LSS: variants seen among roughly 807,000 people sequenced by gnomAD.
The protein encoded by LSS is 2,3-epoxysqualene-lanosterol cyclase.
A neutral mutation model predicts 110.3 loss-of-function variants in LSS; 90 were observed. The ratio of observed to expected loss-of-function variants is 0.82; its 90% CI spans 0.69 to 0.97. The LOEUF is 0.97. Among genes scored for constraint, LSS ranks in the 50% least tolerant of loss-of-function variants. The probability of loss-of-function intolerance (pLI) is 0.00; values close to 1 mark genes in which losing one functional copy is unlikely to be tolerated. For synonymous variants in LSS, 433 were observed against 400.0 expected (o/e 1.08, Z -0.98); for missense variants, 927 against 990.0 (o/e 0.94, Z 0.85).
intron 17 of LSS, among the ~76,000 whole-genome samples, chr21:46,202,015 C>T (rs1329101126): frequency 4.0e-5 from 6 of 149,888 alleles, no homozygotes; most frequent in African/African-American, 1.2e-4. Context: ...AGGATGGTCT[C>T]GATCTCCTGA....
chr21:46,228,710 A>G (rs781751886), intron 1 of LSS, 22 bp downstream of exon 1: 48 of 1,602,428 alleles, frequency 3.0e-5, no homozygotes, highest in Non-Finnish European at 3.8e-5. Flanking sequence ...ATTCGTCAGG[A>G]GCCCGGGGCG....
intron 17 of LSS, among the ~76,000 whole-genome samples, chr21:46,196,753 A>T (rs2079914605): frequency 6.6e-6 from 1 of 152,256 alleles, no homozygotes; most frequent in South Asian, 2.1e-4. Context: ...ACTTGTCTTT[A>T]ACCAGCAGAT....
chr21:46,198,412 T>C (rs1271022816), intron 17 of LSS, among the ~76,000 whole-genome samples: 2 of 152,170 alleles, frequency 1.3e-5, no homozygotes, highest in African/African-American at 4.8e-5. Context: ...GATCTATATA[T>C]GATGAAAACT....
At chr21:46,211,877 C>T (rs1754554867) in intron 11 of LSS, among the ~76,000 whole-genome samples, 1 of 152,222 alleles carries the variant, frequency 6.6e-6, no homozygotes, top group Non-Finnish European at 1.5e-5. Flanking sequence ...CAACTGAAGG[C>T]CTGTGCAGGC....
In LSS at chr21:46,215,772, C is replaced by T. The variant is rs143692945; in HGVS notation, c.805G>A (p.Ala269Thr). 1,180 of 1,611,864 alleles carry T rather than the reference C, an allele frequency of 7.3e-4. 8 individuals are homozygous for T. The African/African-American group carries it at 0.014, about 19-fold the overall frequency. Residue 269 changes from alanine to threonine, a missense_variant, in exon 8 of 22, where the codon GCC (alanine) becomes ACC (threonine). Coordinates refer to ENST00000397728, the MANE Select transcript of LSS (RefSeq NM_002340.6). The part of the protein sequence containing the change: ...LRQELYVEDF[A>T]SIDWLAQRNN... ...CTCTGCGCCAGCCAGTCAATGCTGG[C>T]GAAGTCCTCCACATAGAGCTCCTGG...
chr21:46,223,528 G>A (rs12151996), intron 3 of LSS, among the ~76,000 whole-genome samples: 48,993 of 152,148 alleles, frequency 0.32, 8,552 homozygotes, highest in Non-Finnish European at 0.4. Context: ...CCACCCAGGC[G>A]CCAAGGCAAG....
intron 17 of LSS, among the ~76,000 whole-genome samples, chr21:46,200,527 T>C (rs569160725): frequency 1.3e-5 from 2 of 151,354 alleles, no homozygotes; most frequent in Non-Finnish European, 2.9e-5. Context: ...CTGACAAAAA[T>C]GTAGTTTCAT....
At chr21:46,213,103 C>T in intron 10 of LSS, 51 bp from the exon 11 acceptor site, 3 of 1,578,802 alleles carry the variant, frequency 1.9e-6, no homozygotes, top group Non-Finnish European at 2.6e-6. Flanking sequence ...GCTGGAAGCC[C>T]AGCTGCTACC....
At chr21:46,213,001 C>T (rs1384334396) in intron 11 of LSS, 24 bp downstream of exon 11, 1 of 1,613,824 alleles carries the variant, frequency 6.2e-7, no homozygotes, top group Admixed American at 1.7e-5. Flanking sequence ...AGGAAGCATG[C>T]AGCCGCAGTC....
intron 11 of LSS, among the ~76,000 whole-genome samples, chr21:46,211,815 G>A (rs968904380): frequency 2.0e-5 from 3 of 152,234 alleles, no homozygotes; most frequent in Non-Finnish European, 2.9e-5. Flanking sequence ...CCTTCCAGGA[G>A]GAGAAAAGAG....
rs2051304002 is a variant in LSS at position 46,216,875 on chromosome 21, C to T, written c.648-351G>A. ...GATATGGTGTGAGGGCCCCAGGGAA[C>T]ACTCTTGGCTATCTTTGCAACTTTT... On this transcript the variant is annotated intron_variant, in intron 6 of 21. Coordinates refer to ENST00000397728, the MANE Select transcript of LSS (RefSeq NM_002340.6). This position sits in a 1 kb window ranked among gnomAD's most constrained non-coding sequence, Gnocchi z 4.2. Among the ~76,000 whole-genome samples, 1 of 152,138 alleles carries T rather than the reference C, an allele frequency of 6.6e-6. No individual in the cohort carries two copies. Among genetic ancestry groups the T allele is most frequent in the Admixed American group, 6.6e-5 (1 of 15,266 alleles).
At position 46,215,700 on chromosome 21, in the gene LSS, G is replaced by A; in HGVS notation, c.877C>T (p.Leu293Phe). The A allele has an allele frequency of 6.2e-7, 1 of 1,611,526 alleles. No homozygotes were observed. Among genetic ancestry groups the A allele is most frequent in the Non-Finnish European group, 8.5e-7 (1 of 1,178,604 alleles). Residue 293 changes from leucine to phenylalanine, a missense_variant, in exon 8 of 22, where the codon CTC (leucine) becomes TTC (phenylalanine). Leu to Phe is a conservative substitution (Grantham distance 22). Transcript: ENST00000397728. ...DELYTPHSWL[L>F]RVVYALLNLY... ...AGGCGCTCACCATATACCACGCGGA[G>A]CAGCCAGCTGTGCGGCGTGTACAGC...
At chr21:46,202,601 A>C (rs1193652490) in intron 17 of LSS, among the ~76,000 whole-genome samples, 1 of 152,090 alleles carries the variant, frequency 6.6e-6, no homozygotes, top group Non-Finnish European at 1.5e-5. Flanking sequence ...AATTTTAAAA[A>C]TGGCTGGGTG....
chr21:46,194,364 T>G, intron 20 of LSS, 127 bp downstream of exon 20: 1 of 1,111,828 alleles, frequency 9.0e-7, no homozygotes, highest in South Asian at 1.4e-5. Context: ...GTTCCCAGAG[T>G]GGCAGCTGAC....
At chr21:46,213,653 G>T in intron 10 of LSS, 85 bp downstream of exon 10, 2 of 1,233,714 alleles carry the variant, frequency 1.6e-6, no homozygotes, top group Non-Finnish European at 2.3e-6. Context: ...AGATGGCACC[G>T]TGGGGGCCCC....
intron 5 of LSS, among the ~76,000 whole-genome samples, chr21:46,221,546 C>A (rs1267931027): frequency 6.6e-6 from 1 of 152,098 alleles, no homozygotes; most frequent in Non-Finnish European, 1.5e-5. Context: ...TTTGTAGAGA[C>A]CAGGTCTCAC....
Position 46,212,361 on chromosome 21 carries a change from C to T in LSS, c.1137+664G>A, listed in dbSNP as rs146721595. Among the ~76,000 whole-genome samples, 154 of 152,306 alleles carry T rather than the reference C, an allele frequency of 1.0e-3. No individual in the cohort carries two copies. The Middle Eastern group carries it at 0.014, about 13-fold the overall frequency. On this transcript the variant is annotated intron_variant, in intron 11 of 21. Coordinates refer to ENST00000397728, the MANE Select transcript of LSS (RefSeq NM_002340.6). ...CAGGTGGGGGACAGAAGACAGGCAC[C>T]GCAGGGCGTAACCCTCCTTAGACCA...
chr21:46,201,712 T>A (rs2079979860), intron 17 of LSS, among the ~76,000 whole-genome samples: 1 of 152,144 alleles, frequency 6.6e-6, no homozygotes, highest in Non-Finnish European at 1.5e-5. Flanking sequence ...TAAGTCTGTC[T>A]AGTAAAATAG....
chr21:46,215,085 A>G (rs2080182020), intron 9 of LSS, 95 bp downstream of exon 9: 1 of 991,832 alleles, frequency 1.0e-6, no homozygotes, highest in Admixed American at 1.8e-5. Context: ...GGCTCCAGGA[A>G]ACCCCACTCC....
Sources: gnomAD v4.1 joint callset for allele counts (sites outside exome capture counted in the v4.1 genomes callset) on GRCh38, gnomAD v4.1.1 for gene constraint, Gnocchi (gnomAD v3.1) non-coding constraint, MANE v1.5 for transcripts, NCBI Gene and HGNC (gene_info 2026-07-23, HGNC 2026-07-21) for gene names.